EEFSEC: variants seen among roughly 807,000 people sequenced by gnomAD.
EEFSEC encodes selenocysteine-specific elongation factor.
Under a neutral mutation model 42.1 loss-of-function variants are expected in EEFSEC, and 43 were observed. The ratio of observed to expected loss-of-function variants is 1.02; its 90% CI spans 0.80 to 1.32. The LOEUF is 1.32. EEFSEC is among the 40% of genes most tolerant of loss of function. The probability of loss-of-function intolerance (pLI) is 0.00; values close to 1 mark genes in which losing one functional copy is unlikely to be tolerated. For missense variants in EEFSEC, 745 were observed against 803.6 expected (o/e 0.93, Z 0.88); for synonymous variants, 354 against 339.1 (o/e 1.04, Z -0.48).
At chr3:128,330,589 G>T (rs2067116130) in intron 4 of EEFSEC, among the ~76,000 whole-genome samples, 1 of 152,096 alleles carries the variant, frequency 6.6e-6, no homozygotes, top group Non-Finnish European at 1.5e-5. Flanking sequence ...TGGGTACAGG[G>T]CGCCACAGGG....
rs116427569 is a variant in EEFSEC, at chr3:128,184,388, C to G, written c.316+30565C>G. Among the ~76,000 whole-genome samples the G allele has an allele frequency of 6.2e-3, 946 of 152,320 alleles. 12 individuals carry two copies. The highest frequency in any genetic ancestry group is 0.022 in the African/African-American group (897 of 41,562). ...CCTGGCCACCGCCATTCTATTCTCT[C>G]TGTGACTTGGACTACTAAGTGGAAT... On this transcript the variant is annotated intron_variant, in intron 1 of 6. Coordinates refer to ENST00000254730, the MANE Select transcript of EEFSEC (RefSeq NM_021937.5).
At chr3:128,204,331 A>G (rs1439289958) in intron 1 of EEFSEC, among the ~76,000 whole-genome samples, 1 of 152,252 alleles carries the variant, frequency 6.6e-6, no homozygotes, top group East Asian at 1.9e-4. Context: ...TAAAGTACTT[A>G]ACACAAAGCC....
At chr3:128,266,045 C>T (rs2066350728) in intron 4 of EEFSEC, among the ~76,000 whole-genome samples, 1 of 152,194 alleles carries the variant, frequency 6.6e-6, no homozygotes, top group South Asian at 2.1e-4. Context: ...GGAGGAGCTG[C>T]AGCTTGAAGG....
chr3:128,200,261 A>C (rs1023043818), intron 1 of EEFSEC, among the ~76,000 whole-genome samples: 1 of 152,096 alleles, frequency 6.6e-6, no homozygotes, highest in Non-Finnish European at 1.5e-5. Flanking sequence ...GCGGTAACAC[A>C]AGGAAATCTT....
chr3:128,171,747 T>A (rs2065298564), intron 1 of EEFSEC, among the ~76,000 whole-genome samples: 1 of 152,000 alleles, frequency 6.6e-6, no homozygotes, highest in Non-Finnish European at 1.5e-5. Context: ...TCTTCCATGG[T>A]GTTTTTCTAT....
intron 4 of EEFSEC, 71 bp from the exon 5 acceptor site, chr3:128,341,162 C>T: frequency 6.6e-7 from 1 of 1,515,590 alleles, no homozygotes; most frequent in Non-Finnish European, 8.8e-7. Context: ...TCTCTAGCTG[C>T]AGCTCCCCTC....
chr3:128,398,725 C>T (rs1017212780), intron 6 of EEFSEC, among the ~76,000 whole-genome samples: 3 of 152,178 alleles, frequency 2.0e-5, no homozygotes, highest in Non-Finnish European at 4.4e-5. Context: ...GCAGGCGCCC[C>T]ACTCGCAGCT....
intron 6 of EEFSEC, among the ~76,000 whole-genome samples, chr3:128,399,197 A>G (rs1418168739): frequency 1.3e-5 from 2 of 152,172 alleles, no homozygotes; most frequent in African/African-American, 4.8e-5. Flanking sequence ...GATAATTTCA[A>G]TTTACATGGT....
At chr3:128,331,823 G>A (rs2067136927) in intron 4 of EEFSEC, among the ~76,000 whole-genome samples, 1 of 152,150 alleles carries the variant, frequency 6.6e-6, no homozygotes, top group African/African-American at 2.4e-5. Flanking sequence ...AGGGTGTGGG[G>A]AAGAGGTTAT....
chr3:128,415,194 A>G, the EEFSEC span, among the ~76,000 whole-genome samples: 70 of 152,154 alleles, frequency 4.6e-4, no homozygotes, highest in Non-Finnish European at 2.9e-5. Context: ...ATTGGCATAC[A>G]GGCACAGCAA....
intron 1 of EEFSEC, among the ~76,000 whole-genome samples, chr3:128,206,773 G>A (rs1440318126): frequency 6.6e-6 from 1 of 152,226 alleles, no homozygotes; most frequent in Non-Finnish European, 1.5e-5. Context: ...TCTAACAGAT[G>A]AGGATGCTGA....
chr3:128,222,287 C>A (rs1024004130), intron 1 of EEFSEC, among the ~76,000 whole-genome samples: 3 of 152,128 alleles, frequency 2.0e-5, no homozygotes, highest in African/African-American at 7.2e-5. Context: ...CCTGCCTCGG[C>A]TTCCCAAAGG....
chr3:128,413,237 G>A (rs1032739106), downstream of EEFSEC, among the ~76,000 whole-genome samples: 8 of 152,166 alleles, frequency 5.3e-5, no homozygotes, highest in African/African-American at 1.9e-4. Flanking sequence ...AAACAGAGAG[G>A]TGAAACTTGA....
chr3:128,337,369 T>C (rs1176264673), intron 4 of EEFSEC, among the ~76,000 whole-genome samples: 2 of 152,210 alleles, frequency 1.3e-5, no homozygotes, highest in Non-Finnish European at 2.9e-5. Flanking sequence ...ATTTCAGTCC[T>C]GAGAACACAA....
At chr3:128,388,962 G>A (rs1357827342) in intron 6 of EEFSEC, among the ~76,000 whole-genome samples, 1 of 152,214 alleles carries the variant, frequency 6.6e-6, no homozygotes, top group African/African-American at 2.4e-5. Context: ...TGCCTGGACT[G>A]TCCCTGTGCC....
chr3:128,292,509 A>G (rs1423628883), intron 4 of EEFSEC, among the ~76,000 whole-genome samples: 1 of 151,670 alleles, frequency 6.6e-6, no homozygotes, highest in Non-Finnish European at 1.5e-5. Context: ...TGTATATTAT[A>G]TATGATTCAG....
At chr3:128,341,100 A>AC (rs986562293) in intron 4 of EEFSEC, 133 bp from the exon 5 acceptor site, 28 of 1,092,466 alleles carry the variant, frequency 2.6e-5, no homozygotes, top group Non-Finnish European at 3.4e-5. Flanking sequence ...TGGGCCCCAG[A>AC]CCCCCCTTGG....
chr3:128,287,967 C>G (rs532633534), intron 4 of EEFSEC, among the ~76,000 whole-genome samples: 1 of 151,042 alleles, frequency 6.6e-6, no homozygotes, highest in African/African-American at 2.4e-5. Context: ...CCCCCGCCCC[C>G]CCCAAAAAAC....
At chr3:128,381,387 C>G (rs1165002658) in intron 6 of EEFSEC, among the ~76,000 whole-genome samples, 2 of 152,152 alleles carry the variant, frequency 1.3e-5, no homozygotes, top group Non-Finnish European at 2.9e-5. Context: ...TTGCCGATTG[C>G]TAGAAATAAA....
Sources: gnomAD v4.1 joint callset for allele counts (sites outside exome capture counted in the v4.1 genomes callset) on GRCh38, gnomAD v4.1.1 for gene constraint, MANE v1.5 for transcripts, NCBI Gene and HGNC (gene_info 2026-07-23, HGNC 2026-07-21) for gene names.